The following DOCK4 variants were observed in gnomAD, a reference collection of about 807,000 sequenced individuals.
DOCK4 encodes dedicator of cytokinesis protein 4.
In DOCK4, 97 loss-of-function variants were observed where a neutral mutation model predicts 268.1. The ratio of observed to expected loss-of-function variants is 0.36; its 90% confidence interval spans 0.31 to 0.43. DOCK4 has a LOEUF of 0.43. Ranked by LOEUF, DOCK4 falls within the 20% of genes least tolerant of loss-of-function variation. The probability of loss-of-function intolerance (pLI) is 1.00; values close to 1 mark genes in which losing one functional copy is unlikely to be tolerated. For synonymous variants in DOCK4, 954 were observed against 887.2 expected, an observed-to-expected ratio of 1.08 and a Z score of -1.34; for missense variants, 2,145 against 2,455.7, an observed-to-expected ratio of 0.87 and a Z score of 2.67.
At chr7:111,886,873 G>A (rs1807891542) in intron 16 of DOCK4, among the ~76,000 whole-genome samples, 1 of 152,056 alleles carries the variant, frequency 6.6e-6, no homozygotes, top group Non-Finnish European at 1.5e-5. Flanking sequence ...GTTGGATGAA[G>A]GTTATATGGG....
At chr7:112,128,008 A>G (rs1813399084) in intron 1 of DOCK4, among the ~76,000 whole-genome samples, 1 of 152,202 alleles carries the variant, frequency 6.6e-6, no homozygotes, top group South Asian at 2.1e-4. Context: ...CAGCCTGGGC[A>G]ACAGAGCGAG....
intron 30 of DOCK4, 83 bp from the exon 31 acceptor site, chr7:111,790,688 A>G: frequency 7.2e-7 from 1 of 1,384,380 alleles, no homozygotes; most frequent in Non-Finnish European, 9.6e-7. Flanking sequence ...TTTGTTTAAA[A>G]CTATTGCTAG....
intron 30 of DOCK4, among the ~76,000 whole-genome samples, chr7:111,798,317 C>A (rs993887951): frequency 6.6e-5 from 10 of 152,264 alleles, no homozygotes; most frequent in Admixed American, 6.5e-5. Flanking sequence ...CTCAAACTGC[C>A]ATTATAGCAC....
chr7:112,175,410 T>C (rs1465936429), intron 1 of DOCK4, among the ~76,000 whole-genome samples: 1 of 152,220 alleles, frequency 6.6e-6, no homozygotes, highest in Non-Finnish European at 1.5e-5. Flanking sequence ...TGCCTTTGTA[T>C]TTCCATTTCA....
intron 28 of DOCK4, 105 bp from the exon 29 acceptor site, chr7:111,809,506 T>A: frequency 1.1e-6 from 1 of 903,214 alleles, no homozygotes; most frequent in Non-Finnish European, 1.7e-6. Context: ...GAGGGTATAG[T>A]TGAAGTAAGA....
chr7:111,953,724 T>C (rs1485063419), intron 8 of DOCK4: 1 of 152,248 alleles, frequency 6.6e-6, no homozygotes, highest in Non-Finnish European at 1.5e-5. Context: ...GTTTCTGAGA[T>C]CAAACAAGAT....
rs1586154723 is a variant in DOCK4 at position 111,844,716 on chromosome 7, A to G, written c.2736+47T>C. 3 of 1,568,066 alleles carry G rather than the reference A, an allele frequency of 1.9e-6. No individual in the cohort carries two copies. The East Asian group carries it at 6.8e-5, about 36-fold the overall frequency. ...ATCAAGCCACCTGCAACGTGACTGA[A>G]GCATAACCAGGCCCTGTTCCACGTG... is the stretch of plus-strand genomic sequence containing the variant. On this transcript the variant is annotated intron_variant, in intron 25 of 52. Coordinates refer to ENST00000428084, the MANE Select transcript of DOCK4 (RefSeq NM_001363540.2).
In DOCK4 at chr7:112,004,011, G is replaced by A. The variant is rs1351171619; in HGVS notation, c.121+37C>T. 3 of 1,477,302 alleles carry A rather than the reference G, an allele frequency of 2.0e-6. No homozygotes were observed. In the East Asian group the frequency reaches 7.1e-5, roughly 35 times the overall value. The allele number at this position is 1,477,302 out of a possible 1,614,324, so 91.5% of individuals were successfully genotyped here. A position where few individuals can be genotyped will look rare whatever the true frequency, so the allele number is the denominator to read the frequency against. On this transcript the variant is annotated intron_variant, in intron 2 of 52. Transcript: ENST00000428084. ...ACAGAATTTGTAGACTTTATGAACA[G>A]CCGTATGTTGAGGAGGTTGTTCATA...
rs138014614 is a variant in DOCK4 at position 111,792,675 on chromosome 7, G to A, written c.3167-2070C>T. 1.3e-3 allele frequency among the ~76,000 whole-genome samples: 201 copies of A among 152,258 alleles called. 5 individuals carry two copies. In the East Asian group the frequency reaches 0.03, roughly 22 times the overall value. On this transcript the variant is annotated intron_variant, in intron 30 of 52. Coordinates refer to ENST00000428084, the MANE Select transcript of DOCK4 (RefSeq NM_001363540.2). The stretch of plus-strand genomic sequence containing the variant: ...TGGGTTTACAGGCGTGAGCCGCTGC[G>A]CCTGGCTTACAGGGTTTTTTTTAAG...
intron 31 of DOCK4, among the ~76,000 whole-genome samples, chr7:111,789,766 A>AT (rs1212756408): frequency 6.6e-6 from 1 of 152,192 alleles, no homozygotes; most frequent in African/African-American, 2.4e-5. Context: ...CTGGAGAAAC[A>AT]TGAGGAAGGG....
intron 43 of DOCK4, among the ~76,000 whole-genome samples, chr7:111,746,888 C>T (rs1450631977): frequency 7.1e-6 from 1 of 140,000 alleles, no homozygotes; most frequent in African/African-American, 2.7e-5. Flanking sequence ...GGTCTCAAAC[C>T]AAAGTGCTGG....
At chr7:111,929,193 CAT>C (rs1187695386) in intron 12 of DOCK4, among the ~76,000 whole-genome samples, 1 of 151,928 alleles carries the variant, frequency 6.6e-6, no homozygotes, top group Non-Finnish European at 1.5e-5. Context: ...CACACACAAA[CAT>C]ATACAATCAA....
intron 1 of DOCK4, among the ~76,000 whole-genome samples, chr7:112,085,078 C>T (rs933420550): frequency 1.3e-5 from 2 of 152,060 alleles, no homozygotes; most frequent in Non-Finnish European, 2.9e-5. Flanking sequence ...AGTATATTCA[C>T]TTCAACATCA....
At chr7:111,984,451 A>G in intron 6 of DOCK4, 61 bp from the exon 7 acceptor site, 1 of 1,461,214 alleles carries the variant, frequency 6.8e-7, no homozygotes, top group Non-Finnish European at 9.4e-7. Flanking sequence ...TGTTAAAAAC[A>G]ATTGGTTTTT....
At chr7:111,998,575 A>C in intron 3 of DOCK4, 72 bp from the exon 4 acceptor site, 1 of 1,166,220 alleles carries the variant, frequency 8.6e-7, no homozygotes, top group South Asian at 1.5e-5. Flanking sequence ...CATTTGTATA[A>C]AACACAGCCA....
chr7:111,747,206 ATGAAACCCTAAGAAGTCACAAT>A, intron 43 of DOCK4, 39 bp downstream of exon 43: 1 of 1,524,820 alleles, frequency 6.6e-7, no homozygotes, highest in Non-Finnish European at 8.9e-7. Context: ...AAAAAGATTC[ATGAAACCCTAAGAAGTCACAAT>A]TGAAAACTTT....
chr7:112,160,768 G>A (rs370719578), intron 1 of DOCK4, among the ~76,000 whole-genome samples: 12 of 152,158 alleles, frequency 7.9e-5, no homozygotes, highest in South Asian at 6.2e-4. Context: ...CTTATCTTTC[G>A]AAACAACTTA....
chr7:111,862,317 T>G (rs970927399), intron 23 of DOCK4, among the ~76,000 whole-genome samples: 3 of 151,286 alleles, frequency 2.0e-5, no homozygotes, highest in African/African-American at 7.3e-5. Flanking sequence ...CTAAAGCAAA[T>G]AAGTGGTAAT....
chr7:112,097,443 T>G (rs549169948), intron 1 of DOCK4, among the ~76,000 whole-genome samples: 1 of 151,678 alleles, frequency 6.6e-6, no homozygotes, highest in Non-Finnish European at 1.5e-5. Flanking sequence ...GGTGTGATGG[T>G]GTGCACCTGT....
Sources: gnomAD v4.1 joint callset for allele counts (sites outside exome capture counted in the v4.1 genomes callset) on GRCh38, gnomAD v4.1.1 for gene constraint, MANE v1.5 for transcripts, NCBI Gene and HGNC (gene_info 2026-07-23, HGNC 2026-07-21) for gene names.